Variants in IGF1R observed in about 807,000 individuals in gnomAD.
The protein encoded by IGF1R is insulin-like growth factor 1 receptor.
IGF1R carries 44 observed loss-of-function variants against 144.6 expected under a neutral mutation model. That is an observed-to-expected ratio of 0.30 (90% CI 0.24 to 0.39). The LOEUF (loss-of-function observed/expected upper bound fraction) is 0.39. IGF1R is among the 10% of genes least tolerant of loss of function. IGF1R has a pLI of 1.00. For synonymous variants in IGF1R, 795 were observed against 722.8 expected, an observed-to-expected ratio of 1.10 and a Z score of -1.60; for missense variants, 1,355 against 1,833.7, an observed-to-expected ratio of 0.74 and a Z score of 4.77.
intron 20 of IGF1R, among the ~76,000 whole-genome samples, chr15:98,950,829 TGGG>T (rs949916686): frequency 6.6e-6 from 1 of 152,180 alleles, no homozygotes; most frequent in Non-Finnish European, 1.5e-5. Flanking sequence ...GCAACGATCT[TGGG>T]GGGCATCTTA....
At chr15:98,767,653 G>A (rs893053613) in intron 2 of IGF1R, among the ~76,000 whole-genome samples, 3 of 152,128 alleles carry the variant, frequency 2.0e-5, no homozygotes, top group African/African-American at 4.8e-5. Flanking sequence ...TTTTTGAAAC[G>A]GTAGAATTAA....
At chr15:98,752,704 T>A (rs1200499184) in intron 2 of IGF1R, among the ~76,000 whole-genome samples, 1 of 150,936 alleles carries the variant, frequency 6.6e-6, no homozygotes, top group African/African-American at 2.4e-5. Flanking sequence ...AAAAAGAAAG[T>A]ATGTGAGCCT....
intron 2 of IGF1R, among the ~76,000 whole-genome samples, chr15:98,843,596 A>C (rs2011215803): frequency 6.6e-6 from 1 of 152,148 alleles, no homozygotes; most frequent in South Asian, 2.1e-4. Flanking sequence ...CTGCTGTGTG[A>C]GATAGATAGG....
intron 2 of IGF1R, among the ~76,000 whole-genome samples, chr15:98,728,102 C>T (rs956021961): frequency 4.1e-5 from 6 of 145,504 alleles, no homozygotes; most frequent in Non-Finnish European, 6.0e-5. Context: ...GGGACCCAAG[C>T]GGGTTGCCCT....
At chr15:98,711,359 C>T (rs1186485920) in intron 2 of IGF1R, among the ~76,000 whole-genome samples, 2 of 152,136 alleles carry the variant, frequency 1.3e-5, no homozygotes, top group East Asian at 1.9e-4. Flanking sequence ...TGAGCCTACT[C>T]GATTTTGTCG....
At chr15:98,878,233 G>A (rs1344639869) in intron 2 of IGF1R, among the ~76,000 whole-genome samples, 3 of 152,220 alleles carry the variant, frequency 2.0e-5, no homozygotes, top group African/African-American at 7.2e-5. Context: ...ACAGTCCCCA[G>A]TTTGTCCCTA....
chr15:98,672,641 T>C (rs1171090588), intron 1 of IGF1R, among the ~76,000 whole-genome samples: 1 of 152,036 alleles, frequency 6.6e-6, no homozygotes, highest in Non-Finnish European at 1.5e-5. Flanking sequence ...TGCTAAACGT[T>C]GTATTTCTTC....
intron 2 of IGF1R, among the ~76,000 whole-genome samples, chr15:98,779,386 A>G (rs549239635): frequency 2.0e-5 from 3 of 152,336 alleles, no homozygotes; most frequent in South Asian, 4.1e-4. Context: ...TTTTCAAGAA[A>G]TATTTAAGAA....
chr15:98,719,552 G>T (rs2054199128), intron 2 of IGF1R, among the ~76,000 whole-genome samples: 1 of 152,224 alleles, frequency 6.6e-6, no homozygotes, highest in South Asian at 2.1e-4. Flanking sequence ...TAGCAAAGCT[G>T]TTTCTGTTGA....
At chr15:98,658,584 C>G (rs1308707486) in intron 1 of IGF1R, among the ~76,000 whole-genome samples, 1 of 152,184 alleles carries the variant, frequency 6.6e-6, no homozygotes, top group Non-Finnish European at 1.5e-5. Context: ...TCATAACTTT[C>G]AAAAGGCAGC....
intron 2 of IGF1R, among the ~76,000 whole-genome samples, chr15:98,755,964 A>G (rs889014625): frequency 1.3e-5 from 2 of 152,152 alleles, no homozygotes; most frequent in Middle Eastern, 3.2e-3. Flanking sequence ...GTAATAAATT[A>G]CGTTGATTAG....
chr15:98,735,463 C>T (rs970669177), intron 2 of IGF1R, among the ~76,000 whole-genome samples: 2 of 152,256 alleles, frequency 1.3e-5, no homozygotes, highest in Non-Finnish European at 2.9e-5. Flanking sequence ...GGTGAGCAAT[C>T]TGTTCCAGTG....
At chr15:98,786,403 G>A (rs1484126103) in intron 2 of IGF1R, among the ~76,000 whole-genome samples, 2 of 151,396 alleles carry the variant, frequency 1.3e-5, no homozygotes, top group Non-Finnish European at 2.9e-5. Flanking sequence ...AAACAAAGAA[G>A]AAAACACCTC....
At chr15:98,757,637 G>C (rs923673430) in intron 2 of IGF1R, among the ~76,000 whole-genome samples, 1 of 151,902 alleles carries the variant, frequency 6.6e-6, no homozygotes, top group African/African-American at 2.4e-5. Context: ...TTGAGTTCTT[G>C]GTTTGATTTT....
At chr15:98,875,843 G>C (rs977466363) in intron 2 of IGF1R, among the ~76,000 whole-genome samples, 1 of 152,182 alleles carries the variant, frequency 6.6e-6, no homozygotes, top group African/African-American at 2.4e-5. Flanking sequence ...ACCTCCTTCA[G>C]TTTGGCCCAG....
chr15:98,928,734 C>G (rs1220360602), intron 13 of IGF1R, among the ~76,000 whole-genome samples: 2 of 152,160 alleles, frequency 1.3e-5, no homozygotes, highest in Non-Finnish European at 2.9e-5. Context: ...CCTGTTGACA[C>G]TAATTTCCCA....
chr15:98,801,578 C>T (rs968337395), intron 2 of IGF1R, among the ~76,000 whole-genome samples: 4 of 152,194 alleles, frequency 2.6e-5, no homozygotes, highest in African/African-American at 4.8e-5. Context: ...AACCCCAAGC[C>T]GACTGCTTGT....
At chr15:98,887,985 C>A (rs528569578) in intron 2 of IGF1R, among the ~76,000 whole-genome samples, 3 of 152,378 alleles carry the variant, frequency 2.0e-5, no homozygotes, top group Non-Finnish European at 4.4e-5. Context: ...GGGCAGTGGT[C>A]CCTGGCCTTC....
chr15:98,741,229 C>A (rs1433862932), intron 2 of IGF1R, among the ~76,000 whole-genome samples: 1 of 135,270 alleles, frequency 7.4e-6, no homozygotes, highest in African/African-American at 3.0e-5. Flanking sequence ...ATATAGTTTT[C>A]CTGAGCTTTT....
Sources: allele counts gnomAD v4.1 joint callset (sites outside exome capture counted in the v4.1 genomes callset), GRCh38; gene constraint gnomAD v4.1.1; transcripts MANE v1.5; gene names NCBI Gene and HGNC (gene_info 2026-07-23, HGNC 2026-07-21).